BCOR: variants seen among roughly 807,000 people sequenced by gnomAD.
BCOR encodes BCL-6 corepressor.
BCOR carries 10 observed loss-of-function variants against 86.7 expected under a neutral mutation model. The ratio of observed to expected loss-of-function variants is 0.12; its 90% confidence interval spans 0.07 to 0.20. The LOEUF is 0.20. Among genes scored for constraint, BCOR ranks in the 10% least tolerant of loss-of-function variants. BCOR has a pLI of 1.00. For missense variants in BCOR, 1,259 were observed against 1,452.1 expected (o/e 0.87, Z 2.16); for synonymous variants, 611 against 609.0 (o/e 1.00, Z -0.05).
At position 40,051,650 on chromosome X, in the gene BCOR, G is replaced by A. The variant is rs1261133372; in HGVS notation, c.*459C>T. The A allele has an allele frequency of 2.3e-5, 4 of 175,933 alleles. No individual in the cohort carries two copies. Among genetic ancestry groups the A allele is most frequent in the Non-Finnish European group, 4.3e-5 (4 of 92,781 alleles). The allele number at this position is 175,933 out of a possible 1,213,427, so 14.5% of individuals were successfully genotyped here. A position where few individuals can be genotyped will look rare whatever the true frequency, so the allele number is the denominator to read the frequency against. On this transcript the variant is annotated 3_prime_UTR_variant, in exon 15 of 15. Transcript: ENST00000378444. Reference sequence around the variant, plus strand: ...ACATCCAATAGCATTTACCTGGCCCGAGCAGGTACTCTGTAAACAAAACAA... The same window carrying A: ...ACATCCAATAGCATTTACCTGGCCCAAGCAGGTACTCTGTAAACAAAACAA...
intron 1 of BCOR, among the ~76,000 whole-genome samples, chrX:40,168,356 C>T (rs1938547679): frequency 8.9e-6 from 1 of 112,858 alleles, no homozygotes; most frequent in Non-Finnish European, 1.9e-5. Context: ...TTTGTTTTGT[C>T]TCTTGCCTCT....
chrX:40,110,718 T>TTTTTTTTTTTTTC, intron 1 of BCOR, among the ~76,000 whole-genome samples: 1 of 53,337 alleles, frequency 1.9e-5, no homozygotes, highest in Non-Finnish European at 3.2e-5. Context: ...TTTTTTTTTT[T>TTTTTTTTTTTTTC]TTTTTTTTTG....
At chrX:40,092,471 AAAAAG>A (rs1289499089) in intron 1 of BCOR, among the ~76,000 whole-genome samples, 1 of 110,932 alleles carries the variant, frequency 9.0e-6, no homozygotes, top group Non-Finnish European at 1.9e-5. Context: ...AGGAAAAAAA[AAAAAG>A]AAAAGAAAGA....
At chrX:40,148,723 C>G (rs1239987850) in intron 1 of BCOR, among the ~76,000 whole-genome samples, 1 of 111,093 alleles carries the variant, frequency 9.0e-6, no homozygotes, top group Non-Finnish European at 1.9e-5. Flanking sequence ...GCCGCGGCAG[C>G]CTCACCACCA....
rs776961342 is a variant in BCOR at position 40,074,156 on chromosome X, G to A, written c.1190C>T (p.Pro397Leu). Residue 397 changes from proline to leucine, a missense_variant, in exon 4 of 15, where the codon CCG becomes CTG. Around this residue, in one of 7 missense-constraint regions of BCOR, gnomAD observed 534 missense variants for 594.8 expected, o/e 0.90. Transcript: ENST00000378444. ...TGGCTGGGCACCTTCGCCCCCTTCC[G>A]GAGCCTTGGGATACTTGCCATTGGA... ...RLSNGKYPKA[P>L]EGGEGAQPVP... is the part of the protein sequence containing the mutation. 4 of 1,212,121 alleles carry A rather than the reference G, an allele frequency of 3.3e-6. No homozygotes were observed. Among genetic ancestry groups the A allele is most frequent in the East Asian group, 3.0e-5 (1 of 33,848 alleles).
intron 1 of BCOR, among the ~76,000 whole-genome samples, chrX:40,176,783 C>T (rs1205006830): frequency 1.8e-5 from 2 of 112,237 alleles, no homozygotes; most frequent in African/African-American, 6.5e-5. Flanking sequence ...CACCCCCGCC[C>T]GGCCCGGCCC....
intron 1 of BCOR, among the ~76,000 whole-genome samples, chrX:40,096,567 G>A (rs935341237): frequency 3.6e-5 from 4 of 111,259 alleles, no homozygotes; most frequent in African/African-American, 1.3e-4. Context: ...AAGAAAAAAC[G>A]GGACTCCCCT....
Position 40,063,004 on chromosome X carries a change from C to G in BCOR, c.3915G>C (p.Lys1305Asn). The G allele has an allele frequency of 8.8e-7, 1 of 1,142,065 alleles. No homozygotes were observed. Among genetic ancestry groups the G allele is most frequent in the Non-Finnish European group, 1.2e-6 (1 of 860,086 alleles). 94.1% of individuals were successfully genotyped at this position (1,142,065 alleles called of 1,213,427 possible). ...SLSSTSAGGK[K>N]QAQPSCAPAS... ...CTGGTGCGCAGCTTGGCTGAGCCTG[C>G]TTTTTGCCGCCTGCACTGGTGGATG... Residue 1305 changes from lysine (K) to asparagine (N), a missense_variant, in exon 9 of 15, where the codon AAG becomes AAC. Coordinates refer to ENST00000378444, the MANE Select transcript of BCOR (RefSeq NM_001123385.2).
intron 1 of BCOR, among the ~76,000 whole-genome samples, chrX:40,112,353 T>C (rs1219426050): frequency 1.8e-5 from 2 of 111,677 alleles, no homozygotes; most frequent in African/African-American, 6.5e-5. Context: ...ATCTCAACTT[T>C]GCATCTACGC....
intron 1 of BCOR, among the ~76,000 whole-genome samples, chrX:40,161,927 C>G (rs1274127749): frequency 1.8e-5 from 2 of 111,936 alleles, no homozygotes; most frequent in Non-Finnish European, 3.8e-5. Context: ...GCCCAAGAAA[C>G]AAATCCCATC....
intron 1 of BCOR, among the ~76,000 whole-genome samples, chrX:40,078,641 G>T (rs536104664): frequency 1.8e-5 from 2 of 112,313 alleles, no homozygotes; most frequent in Non-Finnish European, 3.8e-5. Flanking sequence ...AGAGAGAGGC[G>T]GCTGAGTAAT....
chrX:40,163,907 C>G (rs1207238425), intron 1 of BCOR, among the ~76,000 whole-genome samples: 1 of 109,844 alleles, frequency 9.1e-6, no homozygotes, highest in Non-Finnish European at 1.9e-5. Flanking sequence ...GCCTGTAATT[C>G]CAGCTACTCA....
At chrX:40,079,492 C>A (rs1159682752) in intron 1 of BCOR, among the ~76,000 whole-genome samples, 1 of 111,551 alleles carries the variant, frequency 9.0e-6, no homozygotes, top group Admixed American at 9.5e-5. Context: ...CCCCCATGGG[C>A]CCCCATCCCC....
rs1251011626 is a variant in BCOR, at chrX:40,072,500, G to A, written c.2846C>T (p.Ser949Leu). Residue 949 changes from serine to leucine, a missense_variant, in exon 4 of 15, where the codon TCA becomes TTA. By Grantham distance (145) the Ser-to-Leu change is moderately radical. Around this residue, in one of 7 missense-constraint regions of BCOR, gnomAD observed 534 missense variants for 594.8 expected, o/e 0.90. Transcript: ENST00000378444. ...YTKDGADEAE[S>L]NDGKVLKPKP... ...CGGTTTCAGAACTTTGCCATCATTTGATTCAGCCTCATCAGCTCCATCTTT... is the reference window on the plus strand; with the variant it reads ...CGGTTTCAGAACTTTGCCATCATTTAATTCAGCCTCATCAGCTCCATCTTT... 8.3e-7 allele frequency: 1 copy of A among 1,211,945 alleles called. No homozygotes were observed. Among genetic ancestry groups the A allele is most frequent in the Non-Finnish European group, 1.1e-6 (1 of 895,556 alleles).
rs745872075 is a variant in BCOR, at chrX:40,063,314, C to A, written c.3848-243G>T. 1.0e-3 allele frequency among the ~76,000 whole-genome samples: 113 copies of A among 112,577 alleles called. No homozygotes were observed. The highest frequency in any genetic ancestry group is 3.5e-3 in the African/African-American group (108 of 31,050). ...AAGTGGCAAGTTGCTTCAAAGGGCC[C>A]GGAAGAGAGGACAGAAGCTGGCTCT... On this transcript the variant is annotated intron_variant, in intron 8 of 14. Transcript: ENST00000378444.
chrX:40,065,063 A>C (rs774965338), intron 6 of BCOR, among the ~76,000 whole-genome samples: 35 of 112,104 alleles, frequency 3.1e-4, no homozygotes, highest in African/African-American at 1.0e-3. Flanking sequence ...AATGTCATCT[A>C]TCGAAGGGAT....
At chrX:40,175,546 T>C (rs1176649500) in intron 1 of BCOR, among the ~76,000 whole-genome samples, 1 of 113,282 alleles carries the variant, frequency 8.8e-6, no homozygotes, top group Non-Finnish European at 1.9e-5. Flanking sequence ...ATCTAATCAG[T>C]GTCACTGCCA....
rs754579525 is a variant in BCOR, at chrX:40,086,929, A to G, written c.-40-8960T>C. 4.4e-5 allele frequency among the ~76,000 whole-genome samples: 5 copies of G among 113,617 alleles called. 1 individual carries two copies. The East Asian group carries it at 1.4e-3, about 31-fold the overall frequency. ...GGGATCCAGCCAAGGCTAGCCAAGG[A>G]AGCATGCGTTTGTCAGCGCTGTTTG... On this transcript the variant is annotated intron_variant, in intron 1 of 14. Coordinates refer to ENST00000378444, the MANE Select transcript of BCOR (RefSeq NM_001123385.2).
chrX:40,092,843 T>C (rs977948116), intron 1 of BCOR, among the ~76,000 whole-genome samples: 1 of 112,440 alleles, frequency 8.9e-6, no homozygotes, highest in Non-Finnish European at 1.9e-5. Flanking sequence ...CAAAGACACA[T>C]TATTTCCCTG....
Sources: gnomAD v4.1 joint callset for allele counts (sites outside exome capture counted in the v4.1 genomes callset) on GRCh38, gnomAD v4.1.1 for gene constraint, gnomAD v4.1.1 regional missense constraint, MANE v1.5 for transcripts, NCBI Gene and HGNC (gene_info 2026-07-23, HGNC 2026-07-21) for gene names.